KIF3B: variants seen among roughly 807,000 people sequenced by gnomAD.
The protein encoded by KIF3B is kinesin-like protein KIF3B.
KIF3B carries 38 observed loss-of-function variants against 74.3 expected under a neutral mutation model. The ratio of observed to expected loss-of-function variants is 0.51; its 90% confidence interval spans 0.39 to 0.67. The LOEUF is 0.67. Among genes scored for constraint, KIF3B ranks in the 30% least tolerant of loss-of-function variants. The pLI is 0.00. For synonymous variants in KIF3B, 326 were observed against 342.5 expected, an observed-to-expected ratio of 0.95 and a Z score of 0.53; for missense variants, 649 against 932.0, an observed-to-expected ratio of 0.70 and a Z score of 3.95.
At chr20:32,312,772 G>C (rs114652248) in intron 2 of KIF3B, among the ~76,000 whole-genome samples, 3 of 152,162 alleles carry the variant, frequency 2.0e-5, no homozygotes, top group Non-Finnish European at 2.9e-5. Context: ...GAACATGGAC[G>C]TGCAAGATTG....
chr20:32,317,516 T>C (rs2047834163), intron 5 of KIF3B, among the ~76,000 whole-genome samples: 1 of 152,144 alleles, frequency 6.6e-6, no homozygotes, highest in Non-Finnish European at 1.5e-5. Flanking sequence ...CAAGTACCCA[T>C]CACCCAGATT....
chr20:32,329,898 A>G (rs1480798016), intron 7 of KIF3B, among the ~76,000 whole-genome samples: 1 of 152,226 alleles, frequency 6.6e-6, no homozygotes, highest in Non-Finnish European at 1.5e-5. Context: ...GATTACGGTT[A>G]GTTAGCTCTT....
rs41288640 is a variant in KIF3B, at chr20:32,330,278, A to G, written c.2106A>G (p.Ala702=). The G allele has an allele frequency of 2.7e-3, 4,390 of 1,614,192 alleles. 18 individuals carry two copies. Among genetic ancestry groups the G allele is most frequent in the Non-Finnish European group, 3.3e-3 (3,949 of 1,180,020 alleles). ...ATGAAGATGAGATACAGGTGGATGC[A>G]TCATCATTTGAAAGCACTGCAAATA... ...LQDEDEIQVD[A]SSFESTANKK... is the part of the protein sequence containing the mutation. The change falls in exon 8 of 9, where the codon GCA becomes GCG. Residue 702 remains alanine, a synonymous_variant. Coordinates refer to ENST00000375712, the MANE Select transcript of KIF3B (RefSeq NM_004798.4).
intron 5 of KIF3B, among the ~76,000 whole-genome samples, chr20:32,318,537 A>C (rs1236437226): frequency 6.6e-6 from 1 of 152,116 alleles, no homozygotes; most frequent in Non-Finnish European, 1.5e-5. Context: ...TGGCCATCTC[A>C]TATAAATGGA....
intron 1 of KIF3B, among the ~76,000 whole-genome samples, chr20:32,307,846 G>A (rs1165964254): frequency 6.7e-6 from 1 of 150,108 alleles, no homozygotes; most frequent in African/African-American, 2.5e-5. Flanking sequence ...ATGAACCCAG[G>A]AGGCGGAGCT....
At chr20:32,288,730 A>T (rs2047678330) in intron 1 of KIF3B, among the ~76,000 whole-genome samples, 1 of 151,858 alleles carries the variant, frequency 6.6e-6, no homozygotes, top group Admixed American at 6.6e-5. Flanking sequence ...TTGGAGTCTC[A>T]CTCTGTCGCC....
intron 1 of KIF3B, among the ~76,000 whole-genome samples, chr20:32,307,949 T>C (rs1312961725): frequency 1.4e-5 from 2 of 141,612 alleles, no homozygotes; most frequent in Non-Finnish European, 3.0e-5. Flanking sequence ...AAAATAAAAA[T>C]AGTGACCAGC....
At chr20:32,325,655 CTTTTTTTTTTTTTTTTTTT>C (rs1164604181) in intron 5 of KIF3B, among the ~76,000 whole-genome samples, 1 of 51,104 alleles carries the variant, frequency 2.0e-5, no homozygotes, top group Non-Finnish European at 3.7e-5. Flanking sequence ...CTCTCTCTCT[CTTTTTTTTTTTTTTTTTTT>C]TTTTTTTTTT....
Position 32,327,650 on chromosome 20 carries a change from G to T in KIF3B, c.1957G>T (p.Ala653Ser). The change falls in exon 7 of 9, where the codon GCC becomes TCC. Residue 653 changes from alanine to serine, a missense_variant. Around this residue, in one of 4 missense-constraint regions of KIF3B, gnomAD observed 186 missense variants for 198.5 expected, o/e 0.94. Transcript: ENST00000375712. ...AATGTCCATGATGATTCGTCCAGAG[G>T]CCCGATATAGGGTGAGAAGATCCTT... ...ARMSMMIRPE[A>S]RYRAENIVLL... is the part of the protein sequence containing the mutation. 3 of 1,612,440 alleles carry T rather than the reference G, an allele frequency of 1.9e-6. No individual in the cohort carries two copies. Among genetic ancestry groups the T allele is most frequent in the Non-Finnish European group, 2.5e-6 (3 of 1,178,948 alleles).
At chr20:32,320,710 G>T (rs1051409316) in intron 5 of KIF3B, among the ~76,000 whole-genome samples, 4 of 151,828 alleles carry the variant, frequency 2.6e-5, no homozygotes, top group Non-Finnish European at 5.9e-5. Flanking sequence ...ATAAGGATGG[G>T]TCTTGCTGTG....
chr20:32,278,789 G>A (rs1383811750), intron 1 of KIF3B, among the ~76,000 whole-genome samples: 2 of 152,116 alleles, frequency 1.3e-5, no homozygotes. Flanking sequence ...TGATTAAGAA[G>A]CACTTTACCA....
chr20:32,298,860 G>C (rs1298121411), intron 1 of KIF3B, among the ~76,000 whole-genome samples: 2 of 152,082 alleles, frequency 1.3e-5, no homozygotes, highest in Non-Finnish European at 2.9e-5. Context: ...GTCTTGCTCT[G>C]TTGCCCTGGA....
At chr20:32,298,948 C>T (rs1377340029) in intron 1 of KIF3B, among the ~76,000 whole-genome samples, 1 of 152,086 alleles carries the variant, frequency 6.6e-6, no homozygotes, top group East Asian at 1.9e-4. Flanking sequence ...GAGGTGTGAG[C>T]CACTGCACCC....
intron 1 of KIF3B, among the ~76,000 whole-genome samples, chr20:32,296,863 C>A (rs1365066140): frequency 6.6e-6 from 1 of 151,844 alleles, no homozygotes; most frequent in Non-Finnish European, 1.5e-5. Context: ...GTGTGTAACT[C>A]CCTTTGTGAA....
intron 5 of KIF3B, among the ~76,000 whole-genome samples, chr20:32,317,659 A>T (rs1351452193): frequency 6.8e-6 from 1 of 146,958 alleles, no homozygotes; most frequent in African/African-American, 2.5e-5. Context: ...TTTTTTTGAG[A>T]CAGAGTTTTG....
intron 5 of KIF3B, among the ~76,000 whole-genome samples, chr20:32,319,260 C>CTGATT (rs2047844688): frequency 2.0e-5 from 3 of 151,418 alleles, no homozygotes; most frequent in Non-Finnish European, 4.4e-5. Flanking sequence ...CATGCCCGGC[C>CTGATT]TCTCCACATC....
intron 1 of KIF3B, among the ~76,000 whole-genome samples, chr20:32,293,865 C>A (rs1490118570): frequency 6.6e-6 from 1 of 152,086 alleles, no homozygotes; most frequent in African/African-American, 2.4e-5. Flanking sequence ...GCGTATATAT[C>A]AGGTGTTTTA....
In KIF3B at chr20:32,322,690, TTA is replaced by T. The variant is rs1241395550; in HGVS notation, c.1749-4073_1749-4072del. ...TATATATTTATATATTTATATATAT[TTA>T]TATATATTTATATATTTATATATAT... On this transcript the variant is annotated intron_variant, in intron 5 of 8. Transcript: ENST00000375712. Among the ~76,000 whole-genome samples, 5 of 53,714 alleles carry T rather than the reference TTA, an allele frequency of 9.3e-5. 1 individual carries two copies. Among genetic ancestry groups the T allele is most frequent in the Admixed American group, 3.4e-4 (1 of 2,960 alleles). The allele number at this position is 53,714 out of a possible 152,430, so 35.2% of individuals were successfully genotyped here.
At chr20:32,289,902 T>C (rs893553208) in intron 1 of KIF3B, among the ~76,000 whole-genome samples, 1 of 152,138 alleles carries the variant, frequency 6.6e-6, no homozygotes. Flanking sequence ...GTGTGCCATG[T>C]TACTTCCCTG....
Sources: allele counts gnomAD v4.1 joint callset (sites outside exome capture counted in the v4.1 genomes callset), GRCh38; gene constraint gnomAD v4.1.1; regional missense constraint gnomAD v4.1.1; transcripts MANE v1.5; gene names NCBI Gene and HGNC (gene_info 2026-07-23, HGNC 2026-07-21).